The following POLRMT variants were observed in gnomAD, a reference collection of about 807,000 sequenced individuals.
The protein encoded by POLRMT is RNA polymerase mitochondrial, also known as DNA-directed RNA polymerase, mitochondrial.
POLRMT carries 114 observed loss-of-function variants against 132.2 expected under a neutral mutation model. The ratio of observed to expected loss-of-function variants is 0.86; its 90% CI spans 0.74 to 1.01. The LOEUF (loss-of-function observed/expected upper bound fraction) is 1.01, where lower values mean the gene tolerates loss of function less well. POLRMT is among the 50% of genes least tolerant of loss of function. POLRMT has a pLI of 0.00. For missense variants in POLRMT, 2,003 were observed against 1,729.1 expected (o/e 1.16, Z -2.81); for synonymous variants, 1,020 against 773.4 (o/e 1.32, Z -5.29).
intron 5 of POLRMT, 72 bp from the exon 6 acceptor site, chr19:623,675 C>T: frequency 6.5e-7 from 1 of 1,543,710 alleles, no homozygotes; most frequent in South Asian, 1.1e-5. Flanking sequence ...CCCGAGACAG[C>T]ATGGGTGCAC....
intron 5 of POLRMT, 107 bp downstream of exon 5, chr19:624,612 G>C: frequency 7.8e-7 from 1 of 1,287,574 alleles, no homozygotes; most frequent in Non-Finnish European, 1.1e-6. Flanking sequence ...GCCCAGCCCA[G>C]GTGAGCCCTG....
Position 623,583 on chromosome 19 carries a change from C to G in POLRMT, c.1161G>C (p.Pro387=). 6.2e-7 allele frequency: 1 copy of G among 1,613,664 alleles called. No homozygotes were observed. Among genetic ancestry groups the G allele is most frequent in the Non-Finnish European group, 8.5e-7 (1 of 1,179,982 alleles). Residue 387 remains proline, a synonymous_variant, in exon 6 of 21, where the codon CCG becomes CCC. Transcript: ENST00000588649. The part of the protein sequence containing the change: ...VYAKDGRVSY[P]KLHLPLKTLQ... ...GGGTCTTCAAGGGCAGGTGCAGCTT[C>G]GGGTAGGACACACGCCCATCCTGCA... is the stretch of plus-strand genomic sequence containing the variant.
rs57880842 is a variant in POLRMT, at chr19:633,529, G to GGC, written c.-19_-18dup. On this transcript the variant is annotated 5_prime_UTR_variant, in exon 1 of 21. Transcript: ENST00000588649. ...TGCCGACATTACGCACGCCGCTCCA[G>GGC]GCCACCCCACCGGCCCGCGCCTGCG... 683 of 1,463,408 alleles carry GGC rather than the reference G, an allele frequency of 4.7e-4. 80 individuals are homozygous for GGC. The highest frequency in any genetic ancestry group is 2.1e-3 in the South Asian group (130 of 60,974). 90.7% of individuals were successfully genotyped at this position (1,463,408 alleles called of 1,614,324 possible).
rs75014713 is a variant in POLRMT at position 618,490 on chromosome 19, G to A, written c.3420C>T (p.Tyr1140=). 8.8e-5 allele frequency: 141 copies of A among 1,602,616 alleles called. No homozygotes were observed. In the African/African-American group the frequency reaches 1.8e-3, roughly 20 times the overall value. ...SHMMLTALHC[Y]RKGLTFVSVH... is the part of the protein sequence containing the mutation. ...CCACGCCGTCCGGAGACGCCCACCT[G>A]TAGCAGTGCAGGGCGGTGAGCATCA... is the stretch of plus-strand genomic sequence containing the variant. The change falls in exon 17 of 21, where the codon TAC becomes TAT. Residue 1140 remains tyrosine, a splice_region_variant and synonymous_variant. Coordinates refer to ENST00000588649, the MANE Select transcript of POLRMT (RefSeq NM_005035.4).
rs1385176230 is a variant in POLRMT, at chr19:629,671, T to A, written c.691A>T (p.Lys231Ter). 6.2e-7 allele frequency: 1 copy of A among 1,609,888 alleles called. No individual in the cohort carries two copies. The highest frequency in any genetic ancestry group is 2.2e-5 in the East Asian group (1 of 44,858). The change falls in exon 3 of 21, where the codon AAG becomes TAG. Residue 231 changes from lysine to a stop codon, truncating the protein, a stop_gained. Coordinates refer to ENST00000588649, the MANE Select transcript of POLRMT (RefSeq NM_005035.4). LOFTEE classifies it high-confidence loss of function. ...AGCTGGTCAGTGAGCAGGCAGCACT[T>A]GAAGAAGGCCAGGAGCCTCTGCTGC... ...GQQQRLLAFF[K>*]CCLLTDQLPL...
At chr19:625,945 C>T (rs1248454958) in intron 3 of POLRMT, among the ~76,000 whole-genome samples, 1 of 152,046 alleles carries the variant, frequency 6.6e-6, no homozygotes, top group Non-Finnish European at 1.5e-5. Flanking sequence ...TCGTGATCCG[C>T]CAGCCTCAGC....
chr19:617,808 G>C lies in POLRMT; in HGVS notation c.3464C>G (p.Thr1155Ser). 24 of 1,613,358 alleles carry C rather than the reference G, an allele frequency of 1.5e-5. No individual in the cohort carries two copies. Among genetic ancestry groups the C allele is most frequent in the Non-Finnish European group, 2.0e-5 (24 of 1,179,916 alleles). ...TFVSVHDCYW[T>S]HAADVSVMNQ... is the part of the protein sequence containing the mutation. Reference sequence around the variant, plus strand: ...CATGACGGAGACATCAGCTGCGTGAGTCCAGTAACAGTCGTGCACAGAGAC... The same window carrying C: ...CATGACGGAGACATCAGCTGCGTGACTCCAGTAACAGTCGTGCACAGAGAC... The change falls in exon 18 of 21, where the codon ACT becomes AGT. Residue 1155 changes from threonine (T) to serine (S), a missense_variant. By Grantham distance (58) the Thr-to-Ser change is moderately conservative (BLOSUM62 1). Coordinates refer to ENST00000588649, the MANE Select transcript of POLRMT (RefSeq NM_005035.4).
At position 617,625 on chromosome 19, in the gene POLRMT, T is replaced by C; in HGVS notation, c.3526A>G (p.Ser1176Gly). 6.2e-7 allele frequency: 1 copy of C among 1,612,466 alleles called. No individual in the cohort carries two copies. The highest frequency in any genetic ancestry group is 1.3e-5 in the African/African-American group (1 of 75,020). Residue 1176 changes from serine (S) to glycine (G), a missense_variant, in exon 19 of 21, where the codon AGC becomes GGC. Physicochemically the swap from Ser to Gly is moderately conservative, Grantham distance 56. Transcript: ENST00000588649. ...VCREQFVRLH[S>G]EPILQDLSRF... The stretch of plus-strand genomic sequence containing the variant: ...GACAGGTCCTGCAGGATGGGCTCGC[T>C]GTGCAAGCGGACAAACTGCTCCCGG...
At chr19:617,981 ACCCCTCGCCCCGCCCCT>A in intron 17 of POLRMT, 132 bp from the exon 18 acceptor site, 2 of 620,912 alleles carry the variant, frequency 3.2e-6, no homozygotes, top group Non-Finnish European at 5.3e-6. Context: ...GCCTCGCCCC[ACCCCTCGCCCCGCCCCT>A]CCCCAAACAT....
rs758061489 is a variant in POLRMT at position 622,803 on chromosome 19, G to A, written c.1455+18C>T. The A allele has an allele frequency of 7.0e-6, 11 of 1,573,346 alleles. No homozygotes were observed. In the East Asian group the frequency reaches 7.1e-5, roughly 10 times the overall value. On this transcript the variant is annotated intron_variant, in intron 7 of 20. Transcript: ENST00000588649. ...GCCCGCCCCGCCCGGGGACCCGGCC[G>A]CGCGGAGGAAGACGCACCTGCAGGA...
rs763844516 is a variant in POLRMT at position 624,876 on chromosome 19, A to G, written c.983T>C (p.Leu328Pro). The change falls in exon 5 of 21, where the codon CTG (leucine) becomes CCG (proline). Residue 328 changes from leucine to proline, a missense_variant. Physicochemically the swap from Leu to Pro is moderately conservative, Grantham distance 98 (BLOSUM62 -3). Transcript: ENST00000588649. The stretch of plus-strand genomic sequence containing the variant: ...GGCGGTGAAGAGTGCCTGCAGCTTC[A>G]GCCCCTCCTGGCTCATCTGTTCCAG... ...RCLEQMSQEG[L>P]KLQALFTAVL... The G allele has an allele frequency of 6.2e-7, 1 of 1,612,716 alleles. No individual in the cohort carries two copies. Among genetic ancestry groups the G allele is most frequent in the Non-Finnish European group, 8.5e-7 (1 of 1,179,700 alleles).
intron 2 of POLRMT, among the ~76,000 whole-genome samples, chr19:631,693 G>A (rs1365296164): frequency 6.6e-6 from 1 of 152,128 alleles, no homozygotes; most frequent in African/African-American, 2.4e-5. Context: ...CCTTCAGAGT[G>A]CTCCAAAACT....
chr19:621,280 G>A lies in POLRMT; in HGVS notation c.2418C>T (p.Thr806=), dbSNP rs747856783. The change falls in exon 10 of 21, where the codon ACC becomes ACT. Residue 806 remains threonine (T), a synonymous_variant. Coordinates refer to ENST00000588649, the MANE Select transcript of POLRMT (RefSeq NM_005035.4). The part of the protein sequence containing the change: ...LPHNMDFRGR[T]YPCPPHFNHL... ...GGTTGAAGTGCGGCGGGCAGGGGTAGGTGCGGCCGCGGAAGTCCATGTTGT... is the reference window on the plus strand; with the variant it reads ...GGTTGAAGTGCGGCGGGCAGGGGTAAGTGCGGCCGCGGAAGTCCATGTTGT... 2.1e-5 allele frequency: 33 copies of A among 1,605,924 alleles called. No individual in the cohort carries two copies. The highest frequency in any genetic ancestry group is 6.6e-5 in the South Asian group (6 of 90,806).
intron 13 of POLRMT, 36 bp from the exon 14 acceptor site, chr19:619,332 G>T: frequency 6.3e-7 from 1 of 1,594,496 alleles, no homozygotes; most frequent in African/African-American, 1.3e-5. Flanking sequence ...GGTCCTCAGG[G>T]GCTGGCCCGT....
rs770876499 is a variant in POLRMT, at chr19:622,842, CTCGCGCTCG to C, written c.1425_1433del (p.Asp475_Arg477del). The C allele has an allele frequency of 6.2e-7, 1 of 1,601,244 alleles. No individual in the cohort carries two copies. Among genetic ancestry groups the C allele is most frequent in the Non-Finnish European group, 8.5e-7 (1 of 1,174,884 alleles). Reference sequence around the variant, plus strand: ...GCACCTGCAGGAGCATCCGCACCACCTCGCGCTCGTCCAGCAGGCACAGGAAGGGGTAAA... The same window carrying C: ...GCACCTGCAGGAGCATCCGCACCACCTCCAGCAGGCACAGGAAGGGGTAAA... On this transcript the variant is annotated inframe_deletion, in exon 7 of 21. Coordinates refer to ENST00000588649, the MANE Select transcript of POLRMT (RefSeq NM_005035.4).
rs1985512875 is a variant in POLRMT, at chr19:632,728, G to A, written c.193+106C>T. ...TCTGGGCGTGTCCTGGGACCCGAGAGGTGGAGACCGCCCTCAGCCTGTCTC... is the reference window on the plus strand; with the variant it reads ...TCTGGGCGTGTCCTGGGACCCGAGAAGTGGAGACCGCCCTCAGCCTGTCTC... On this transcript the variant is annotated intron_variant, in intron 2 of 20. Transcript: ENST00000588649. The A allele has an allele frequency of 8.5e-6, 8 of 944,024 alleles. No individual in the cohort carries two copies. In the South Asian group the frequency reaches 1.0e-4, roughly 12 times the overall value. The allele number at this position is 944,024 out of a possible 1,614,324, so 58.5% of individuals were successfully genotyped here.
In POLRMT at chr19:629,922, G is replaced by A. The variant is rs749226976; in HGVS notation, c.440C>T (p.Pro147Leu). The A allele has an allele frequency of 1.2e-6, 2 of 1,613,670 alleles. No individual in the cohort carries two copies. The highest frequency in any genetic ancestry group is 1.7e-6 in the Non-Finnish European group (2 of 1,180,004). Residue 147 changes from proline (P) to leucine (L), a missense_variant, in exon 3 of 21, where the codon CCA becomes CTA. Coordinates refer to ENST00000588649, the MANE Select transcript of POLRMT (RefSeq NM_005035.4). ...CGCCTTGAACTCCCCGCTCTGGAAT[G>A]GCATCTGCAGCTTCGCCTTCAACCG... ...MQRLKAKLQMPFQSGEFKALT... is the reference protein window; with the variant it reads ...MQRLKAKLQMLFQSGEFKALT...
At chr19:626,044 T>G (rs1436620895) in intron 3 of POLRMT, among the ~76,000 whole-genome samples, 12 of 152,098 alleles carry the variant, frequency 7.9e-5, no homozygotes, top group Admixed American at 3.3e-4. Flanking sequence ...TAAATTACCC[T>G]GCGAGCACTG....
intron 3 of POLRMT, among the ~76,000 whole-genome samples, chr19:626,882 A>AAT (rs1327071014): frequency 5.9e-5 from 6 of 101,580 alleles, no homozygotes; most frequent in African/African-American, 1.3e-4. Flanking sequence ...TCTGTCTTAA[A>AAT]ATATACACAC....
Sources: allele counts gnomAD v4.1 joint callset (sites outside exome capture counted in the v4.1 genomes callset), GRCh38; gene constraint gnomAD v4.1.1; transcripts MANE v1.5; gene names NCBI Gene and HGNC (gene_info 2026-07-23, HGNC 2026-07-21).